ARHGAP42: variants seen among roughly 807,000 people sequenced by gnomAD.
ARHGAP42 encodes rho GTPase-activating protein 42.
In ARHGAP42, 63 loss-of-function variants were observed where a neutral mutation model predicts 125.0. That is an observed-to-expected ratio of 0.50 (90% CI 0.41 to 0.62). The LOEUF (loss-of-function observed/expected upper bound fraction) is 0.62, where lower values mean the gene tolerates loss of function less well. ARHGAP42 is among the 20% of genes least tolerant of loss of function. ARHGAP42 has a pLI of 0.00. For missense variants in ARHGAP42, 766 were observed against 1,024.2 expected, an observed-to-expected ratio of 0.75 and a Z score of 3.44; for synonymous variants, 339 against 351.0, an observed-to-expected ratio of 0.97 and a Z score of 0.38.
chr11:100,976,445 A>G lies in ARHGAP42; in HGVS notation c.2236+8A>G, dbSNP rs981757313. 6.6e-7 allele frequency: 1 copy of G among 1,508,574 alleles called. No homozygotes were observed. 93.4% of individuals were successfully genotyped at this position (1,508,574 alleles called of 1,614,324 possible). ...CCATCTCTGCAGCTGAAGGTAAGGC[A>G]GAGTGGAACTTGTGCAAGATGTCAT... On this transcript the variant is annotated splice_region_variant and intron_variant, in intron 20 of 23. Transcript: ENST00000298815.
intron 4 of ARHGAP42, among the ~76,000 whole-genome samples, chr11:100,893,205 A>G (rs1049751342): frequency 7.8e-6 from 1 of 128,848 alleles, no homozygotes; most frequent in African/African-American, 2.7e-5. Context: ...TTGAAATTGA[A>G]TTTGGGCTTT....
chr11:100,774,526 A>G (rs1290553613), intron 2 of ARHGAP42, among the ~76,000 whole-genome samples: 1 of 152,324 alleles, frequency 6.6e-6, no homozygotes, highest in East Asian at 1.9e-4. Context: ...GTGACTTACA[A>G]AGAAGCTCAT....
intron 3 of ARHGAP42, among the ~76,000 whole-genome samples, chr11:100,856,236 A>G (rs1865319984): frequency 6.6e-6 from 1 of 152,016 alleles, no homozygotes; most frequent in Non-Finnish European, 1.5e-5. Flanking sequence ...CCATCGTTGT[A>G]CTCTAATTCA....
chr11:100,860,456 G>A (rs1274028412), intron 4 of ARHGAP42, among the ~76,000 whole-genome samples: 1 of 151,854 alleles, frequency 6.6e-6, no homozygotes, highest in African/African-American at 2.4e-5. Context: ...ACCTTCTGTG[G>A]TTCTGCTTGA....
intron 1 of ARHGAP42, among the ~76,000 whole-genome samples, chr11:100,751,176 T>C (rs901131473): frequency 1.3e-5 from 2 of 151,886 alleles, no homozygotes; most frequent in Non-Finnish European, 2.9e-5. Context: ...TGACCTCAGG[T>C]GATTCTCCTG....
chr11:100,898,319 C>G (rs1403739100), intron 4 of ARHGAP42, among the ~76,000 whole-genome samples: 1 of 152,162 alleles, frequency 6.6e-6, no homozygotes, highest in Non-Finnish European at 1.5e-5. Flanking sequence ...TGTTGTGTCT[C>G]TGCCAGGCTT....
At chr11:100,689,680 C>A (rs866319687) in intron 1 of ARHGAP42, among the ~76,000 whole-genome samples, 9 of 152,292 alleles carry the variant, frequency 5.9e-5, no homozygotes, top group African/African-American at 2.2e-4. Flanking sequence ...TTGGCTTATG[C>A]ACTTAATTAT....
At chr11:100,766,045 T>C (rs1467095778) in intron 1 of ARHGAP42, among the ~76,000 whole-genome samples, 1 of 152,212 alleles carries the variant, frequency 6.6e-6, no homozygotes, top group African/African-American at 2.4e-5. Context: ...TCTAATGAAA[T>C]GAAGTTTTAG....
In ARHGAP42 at chr11:100,992,785, A is replaced by G. The variant is rs1387133675; in HGVS notation, c.*3984A>G. ...CTCACTGTTTTAAATAAAGAATCTT[A>G]CATAAGAATGTTGACAACATTCACA... is the stretch of plus-strand genomic sequence containing the variant. On this transcript the variant is annotated 3_prime_UTR_variant, in exon 24 of 24. Transcript: ENST00000298815. The G allele has an allele frequency of 7.0e-6, 10 of 1,427,154 alleles. No individual in the cohort carries two copies. The East Asian group carries it at 1.1e-4, about 16-fold the overall frequency. The allele number at this position is 1,427,154 out of a possible 1,614,324, so 88.4% of individuals were successfully genotyped here. A position where few individuals can be genotyped will look rare whatever the true frequency, so the allele number is the denominator to read the frequency against.
chr11:100,876,117 A>C (rs1865819268), intron 4 of ARHGAP42, among the ~76,000 whole-genome samples: 1 of 152,238 alleles, frequency 6.6e-6, no homozygotes, highest in Non-Finnish European at 1.5e-5. Flanking sequence ...GCACAAACTT[A>C]ATAACATGTG....
intron 5 of ARHGAP42, among the ~76,000 whole-genome samples, chr11:100,915,860 C>G (rs1216056429): frequency 1.3e-5 from 2 of 152,144 alleles, no homozygotes; most frequent in African/African-American, 4.8e-5. Context: ...GGGTTCCCCC[C>G]TCCCTTCGCC....
chr11:100,704,715 T>A (rs112839403), intron 1 of ARHGAP42, among the ~76,000 whole-genome samples: 6,913 of 151,372 alleles, frequency 0.046, 203 homozygotes, highest in African/African-American at 0.094. Context: ...TCCCAGCACT[T>A]TGGGAGACCA....
chr11:100,975,923 G>A, intron 19 of ARHGAP42, 134 bp from the exon 20 acceptor site: 2 of 945,656 alleles, frequency 2.1e-6, no homozygotes, highest in Non-Finnish European at 3.0e-6. Context: ...TCCGTACTAG[G>A]TAGGGGCCTA....
intron 1 of ARHGAP42, among the ~76,000 whole-genome samples, chr11:100,745,310 A>G (rs1003127727): frequency 5.3e-5 from 8 of 152,204 alleles, no homozygotes; most frequent in African/African-American, 1.9e-4. Flanking sequence ...AAACTTCTTT[A>G]ACATGTCTTG....
At chr11:100,817,363 A>G (rs1864291673) in intron 3 of ARHGAP42, among the ~76,000 whole-genome samples, 1 of 152,172 alleles carries the variant, frequency 6.6e-6, no homozygotes, top group African/African-American at 2.4e-5. Context: ...TCTAATAGGT[A>G]TCCCTTAACA....
chr11:100,729,057 C>G (rs556753501), intron 1 of ARHGAP42, among the ~76,000 whole-genome samples: 1 of 151,334 alleles, frequency 6.6e-6, no homozygotes, highest in Non-Finnish European at 1.5e-5. Flanking sequence ...GTGTGAGCCA[C>G]TGCACGCAGC....
At chr11:100,737,814 C>G (rs1862099109) in intron 1 of ARHGAP42, among the ~76,000 whole-genome samples, 1 of 152,180 alleles carries the variant, frequency 6.6e-6, no homozygotes, top group African/African-American at 2.4e-5. Context: ...TATTGATAAG[C>G]TGCTGGGAGA....
intron 17 of ARHGAP42, among the ~76,000 whole-genome samples, chr11:100,966,821 T>C (rs1454531588): frequency 6.6e-6 from 1 of 152,176 alleles, no homozygotes; most frequent in Non-Finnish European, 1.5e-5. Context: ...TGGAAACAAA[T>C]GTCTAAATCC....
At chr11:100,942,228 G>A (rs1409013585) in intron 9 of ARHGAP42, among the ~76,000 whole-genome samples, 1 of 152,118 alleles carries the variant, frequency 6.6e-6, no homozygotes, top group Non-Finnish European at 1.5e-5. Flanking sequence ...GCTGGAACAG[G>A]CTCAAGGATT....
Sources: allele counts gnomAD v4.1 joint callset (sites outside exome capture counted in the v4.1 genomes callset), GRCh38; gene constraint gnomAD v4.1.1; transcripts MANE v1.5; gene names NCBI Gene and HGNC (gene_info 2026-07-23, HGNC 2026-07-21).